IFT140: variants seen among roughly 807,000 people sequenced by gnomAD.
IFT140 encodes the protein intraflagellar transport protein 140 homolog.
A neutral mutation model predicts 164.6 loss-of-function variants in IFT140; 133 were observed. That is an observed-to-expected ratio of 0.81 (90% CI 0.70 to 0.93). IFT140 has a LOEUF of 0.93. Ranked by LOEUF, IFT140 falls within the 40% of genes least tolerant of loss-of-function variation. IFT140 has a pLI of 0.00. For synonymous variants in IFT140, 860 were observed against 817.3 expected, an observed-to-expected ratio of 1.05 and a Z score of -0.89; for missense variants, 2,045 against 1,972.3, an observed-to-expected ratio of 1.04 and a Z score of -0.70.
rs1279224491 is a variant in IFT140 at position 1,555,165 on chromosome 16, G to A, written c.2399+2770C>T. ...TCTGGGTGACCTCTGCGCCATGCGT[G>A]CGAGACACGTGTGCGTTTACTGTTA... On this transcript the variant is annotated intron_variant, in intron 19 of 30. Transcript: ENST00000426508. 16 of 1,051,332 alleles carry A rather than the reference G, an allele frequency of 1.5e-5. 1 individual carries two copies. Among genetic ancestry groups the A allele is most frequent in the South Asian group, 5.0e-5 (3 of 60,128 alleles). 65.1% of individuals were successfully genotyped at this position (1,051,332 alleles called of 1,614,324 possible). A position where few individuals can be genotyped will look rare whatever the true frequency, so the allele number is the denominator to read the frequency against.
intron 13 of IFT140, chr16:1,577,617 G>A (rs11248884): frequency 0.053 from 8,134 of 152,292 alleles, 440 homozygotes; most frequent in Admixed American, 0.17. Flanking sequence ...ACTTTGGGAG[G>A]CTGAGGCAGG....
Position 1,591,691 on chromosome 16 carries a change from A to C in IFT140, c.634+485T>G, listed in dbSNP as rs527583609. 2.8e-4 allele frequency among the ~76,000 whole-genome samples: 42 copies of C among 152,286 alleles called. 1 individual carries two copies. In the South Asian group the frequency reaches 8.5e-3, roughly 31 times the overall value. ...AGTGAGGAAGAACGGGCTGAACACCAGCCACACGGTGTCCAGCGCTGACCT... is the reference window on the plus strand; with the variant it reads ...AGTGAGGAAGAACGGGCTGAACACCCGCCACACGGTGTCCAGCGCTGACCT... On this transcript the variant is annotated intron_variant, in intron 6 of 30. Coordinates refer to ENST00000426508, the MANE Select transcript of IFT140 (RefSeq NM_014714.4).
chr16:1,523,452 TG>T, intron 26 of IFT140, 65 bp downstream of exon 26: 1 of 1,530,014 alleles, frequency 6.5e-7, no homozygotes. Flanking sequence ...CCACAGCCTC[TG>T]GGGACAGGAG....
In IFT140 at chr16:1,607,304, G is replaced by C; in HGVS notation, c.-31-7C>G. 3 of 1,571,724 alleles carry C rather than the reference G, an allele frequency of 1.9e-6. No individual in the cohort carries two copies. Among genetic ancestry groups the C allele is most frequent in the Non-Finnish European group, 2.6e-6 (3 of 1,161,878 alleles). On this transcript the variant is annotated splice_region_variant and splice_polypyrimidine_tract_variant and intron_variant, in intron 2 of 30. Transcript: ENST00000426508. The stretch of plus-strand genomic sequence containing the variant: ...GCCTCCTCAGCGCTGAAACCTGCAG[G>C]GAAAAAAAAATGACCAAGTCCAATC...
At chr16:1,525,820 C>T in intron 21 of IFT140, 67 bp downstream of exon 21, 1 of 1,419,520 alleles carries the variant, frequency 7.0e-7, no homozygotes, top group Non-Finnish European at 9.3e-7. Flanking sequence ...CCACAGCACA[C>T]ACAAGAGGCC....
intron 19 of IFT140, among the ~76,000 whole-genome samples, chr16:1,543,765 C>T (rs979142969): frequency 6.6e-6 from 1 of 152,220 alleles, no homozygotes; most frequent in African/African-American, 2.4e-5. Flanking sequence ...AAAGCTCCCA[C>T]GGGGCCCTCT....
At chr16:1,570,625 C>G (rs946967667) in intron 14 of IFT140, among the ~76,000 whole-genome samples, 1 of 152,198 alleles carries the variant, frequency 6.6e-6, no homozygotes, top group Admixed American at 6.5e-5. Flanking sequence ...TCGCCAGGGC[C>G]TCCCCTCACT....
chr16:1,523,837 C>CA lies in IFT140; in HGVS notation c.3260dup (p.Tyr1088ValfsTer32), dbSNP rs2040594170. The stretch of plus-strand genomic sequence containing the variant: ...GGTGGCCAGCCCTCACCTTGTGGTA[C>CA]AGCATGACCGCCCTGTCCATCTGCA... On this transcript the variant is annotated frameshift_variant, in exon 25 of 31. Transcript: ENST00000426508. LOFTEE classifies it high-confidence loss of function. The CA allele has an allele frequency of 6.2e-7, 1 of 1,612,936 alleles. No individual in the cohort carries two copies. Among genetic ancestry groups the CA allele is most frequent in the South Asian group, 1.1e-5 (1 of 91,078 alleles).
intron 17 of IFT140, 60 bp from the exon 18 acceptor site, chr16:1,562,176 G>A (rs1054848640): frequency 1.4e-6 from 2 of 1,449,358 alleles, no homozygotes; most frequent in South Asian, 1.4e-5. Context: ...AATTTCTGGG[G>A]TATGAGTGCC....
chr16:1,600,695 G>C (rs1038258390), intron 4 of IFT140, among the ~76,000 whole-genome samples: 1 of 152,126 alleles, frequency 6.6e-6, no homozygotes, highest in East Asian at 1.9e-4. Context: ...GAAAAAGCAA[G>C]AGACATGACA....
chr16:1,607,159 G>C lies in IFT140; in HGVS notation c.108C>G (p.Ser36Arg). 6.2e-7 allele frequency: 1 copy of C among 1,614,182 alleles called. No homozygotes were observed. Among genetic ancestry groups the C allele is most frequent in the East Asian group, 2.2e-5 (1 of 44,888 alleles). Residue 36 changes from serine (S) to arginine (R), a missense_variant, in exon 3 of 31, where the codon AGC becomes AGG. Coordinates refer to ENST00000426508, the MANE Select transcript of IFT140 (RefSeq NM_014714.4). ...TATCCACGCTGCCTGTTGAGGTTGT[G>C]CTGATGTAAGCAACTGCCAAGAATG... ...VHPFLAVAYI[S>R]TTSTGSVDIY...
chr16:1,554,689 A>G lies in IFT140; in HGVS notation c.2399+3246T>C, dbSNP rs1048811174. 4 of 1,523,558 alleles carry G rather than the reference A, an allele frequency of 2.6e-6. No individual in the cohort carries two copies. In the African/African-American group the frequency reaches 5.5e-5, roughly 21 times the overall value. 94.4% of individuals were successfully genotyped at this position (1,523,558 alleles called of 1,614,324 possible). A position where few individuals can be genotyped will look rare whatever the true frequency, so the allele number is the denominator to read the frequency against. The stretch of plus-strand genomic sequence containing the variant: ...ACAGAGGGCTGGGGAAGGATAAAGC[A>G]GGCTGGAACCTGCTCTAGGACAGAG... On this transcript the variant is annotated intron_variant, in intron 19 of 30. Coordinates refer to ENST00000426508, the MANE Select transcript of IFT140 (RefSeq NM_014714.4).
intron 19 of IFT140, chr16:1,554,691 G>C: frequency 1.1e-5 from 17 of 1,534,546 alleles, no homozygotes; most frequent in Non-Finnish European, 1.4e-5. Flanking sequence ...GATAAAGCAG[G>C]CTGGAACCTG....
intron 4 of IFT140, among the ~76,000 whole-genome samples, chr16:1,598,605 A>T (rs934230521): frequency 6.6e-6 from 1 of 152,250 alleles, no homozygotes; most frequent in Non-Finnish European, 1.5e-5. Flanking sequence ...TTTCCTGAGC[A>T]GTTCTGCTAC....
intron 19 of IFT140, chr16:1,555,476 C>A (rs537296651): frequency 5.7e-6 from 1 of 174,116 alleles, no homozygotes; most frequent in South Asian, 1.4e-4. Context: ...GAGTCAGAAT[C>A]TATAGCCGGT....
At chr16:1,579,223 G>A (rs1045840412) in intron 13 of IFT140, 6 of 152,082 alleles carry the variant, frequency 3.9e-5, no homozygotes, top group African/African-American at 1.4e-4. Context: ...TTTGTGAGGT[G>A]GAAGTGGGTC....
intron 13 of IFT140, 61 bp from the exon 14 acceptor site, chr16:1,571,595 A>C: frequency 1.3e-6 from 2 of 1,527,090 alleles, no homozygotes; most frequent in Non-Finnish European, 1.8e-6. Flanking sequence ...TTGTTCACAG[A>C]TAACCTTGTA....
chr16:1,609,180 C>T (rs908457899), intron 2 of IFT140, among the ~76,000 whole-genome samples: 4 of 152,052 alleles, frequency 2.6e-5, no homozygotes, highest in Non-Finnish European at 5.9e-5. Flanking sequence ...TAACATGTTG[C>T]AGCCAGCCCC....
At chr16:1,561,203 G>A (rs558651869) in intron 18 of IFT140, among the ~76,000 whole-genome samples, 2 of 152,394 alleles carry the variant, frequency 1.3e-5, no homozygotes, top group African/African-American at 2.4e-5. Flanking sequence ...ACTCCACCGT[G>A]TCTCAGAATG....
Sources: allele counts gnomAD v4.1 joint callset (sites outside exome capture counted in the v4.1 genomes callset), GRCh38; gene constraint gnomAD v4.1.1; transcripts MANE v1.5; gene names NCBI Gene and HGNC (gene_info 2026-07-23, HGNC 2026-07-21).